The following HSP90B1 variants were observed in gnomAD, a reference collection of about 807,000 sequenced individuals.
HSP90B1 encodes endoplasmin.
In HSP90B1, 27 loss-of-function variants were observed where a neutral mutation model predicts 100.4. The observed-to-expected ratio is 0.27, with a 90% CI of 0.20 to 0.37. The LOEUF (loss-of-function observed/expected upper bound fraction) is 0.37. HSP90B1 is among the 10% of genes least tolerant of loss of function. The pLI is 1.00. For missense variants in HSP90B1, 678 were observed against 960.5 expected (o/e 0.71, Z 3.89); for synonymous variants, 304 against 330.8 (o/e 0.92, Z 0.88).
At chr12:103,937,090 G>C (rs1869942108) in intron 5 of HSP90B1, among the ~76,000 whole-genome samples, 1 of 152,184 alleles carries the variant, frequency 6.6e-6, no homozygotes, top group South Asian at 2.1e-4. Flanking sequence ...TATAATAGTA[G>C]AAATGTTCTA....
rs1320570659 is a variant in HSP90B1 at position 103,934,061 on chromosome 12, G to C, written c.517G>C (p.Glu173Gln). Residue 173 changes from glutamate to glutamine, a missense_variant, in exon 5 of 18, where the codon GAG (glutamate) becomes CAG (glutamine). Around this residue, in one of 8 missense-constraint regions of HSP90B1, gnomAD observed 238 missense variants for 346.7 expected, o/e 0.69. Coordinates refer to ENST00000299767, the MANE Select transcript of HSP90B1 (RefSeq NM_003299.3). ...TACCATAGCCAAATCTGGGACAAGC[G>C]AGTTTTTAAACAAAATGACTGAAGC... ...LGTIAKSGTS[E>Q]FLNKMTEAQE... is the part of the protein sequence containing the mutation. 6.2e-7 allele frequency: 1 copy of C among 1,614,186 alleles called. No individual in the cohort carries two copies.
chr12:103,944,508 A>T (rs1322975700), intron 14 of HSP90B1, among the ~76,000 whole-genome samples: 4 of 151,100 alleles, frequency 2.6e-5, no homozygotes, highest in Admixed American at 1.3e-4. Flanking sequence ...TATGTTTCTG[A>T]TATGCTATCT....
At chr12:103,932,991 AAGGT>A (rs767011898) in intron 4 of HSP90B1, 49 bp downstream of exon 4, 2 of 949,216 alleles carry the variant, frequency 2.1e-6, no homozygotes, top group Admixed American at 3.5e-5. Flanking sequence ...GGAATCCTTA[AAGGT>A]AGAGGATCCC....
intron 14 of HSP90B1, 144 bp from the exon 15 acceptor site, chr12:103,946,474 C>A: frequency 4.8e-6 from 3 of 624,890 alleles, no homozygotes; most frequent in South Asian, 4.0e-5. Context: ...TAAGTTCAAA[C>A]CTGTGGTGTT....
chr12:103,933,840 TCA>T, intron 4 of HSP90B1, 114 bp from the exon 5 acceptor site: 1 of 729,654 alleles, frequency 1.4e-6, no homozygotes, highest in East Asian at 2.7e-5. Context: ...GGAAAATATC[TCA>T]GTTTAGTTTT....
intron 5 of HSP90B1, among the ~76,000 whole-genome samples, chr12:103,937,434 C>T (rs1195408165): frequency 2.6e-5 from 4 of 152,274 alleles, no homozygotes; most frequent in African/African-American, 4.8e-5. Context: ...TCTATTCAGA[C>T]GGTTGGGAAT....
chr12:103,943,279 C>T lies in HSP90B1; in HGVS notation c.1850C>T (p.Pro617Leu). The T allele has an allele frequency of 6.2e-7, 1 of 1,613,876 alleles. No individual in the cohort carries two copies. The highest frequency in any genetic ancestry group is 8.5e-7 in the Non-Finnish European group (1 of 1,179,818). The change falls in exon 13 of 18, where the codon CCT (proline) becomes CTT (leucine). Residue 617 changes from proline to leucine, a missense_variant. By Grantham distance (98) the Pro-to-Leu change is moderately conservative (BLOSUM62 -3). This residue lies in a region of HSP90B1 where 170 missense variants were observed against 236.7 expected (regional missense o/e 0.72). Coordinates refer to ENST00000299767, the MANE Select transcript of HSP90B1 (RefSeq NM_003299.3). The surrounding 1 kb of genome is among the most constrained non-coding windows in gnomAD (Gnocchi z 5.3). ...SREAVEKEFE[P>L]LLNWMKDKAL... is the part of the protein sequence containing the mutation. ...GAAGCAGTTGAGAAAGAATTTGAGC[C>T]TCTGCTGAATTGGATGAAAGATAAA... is the stretch of plus-strand genomic sequence containing the variant.
intron 3 of HSP90B1, 131 bp downstream of exon 3, chr12:103,932,549 G>A (rs1291779025): frequency 1.2e-5 from 9 of 757,740 alleles, no homozygotes; most frequent in Non-Finnish European, 1.9e-5. Flanking sequence ...TACCTAATAT[G>A]TCCAAGAATT....
Position 103,947,412 on chromosome 12 carries a change from A to T in HSP90B1, c.2364A>T (p.Glu788Asp), listed in dbSNP as rs1223103257. The T allele has an allele frequency of 7.7e-7, 1 of 1,296,032 alleles. No individual in the cohort carries two copies. The highest frequency in any genetic ancestry group is 1.1e-6 in the Non-Finnish European group (1 of 947,976). The allele number at this position is 1,296,032 out of a possible 1,614,324, so 80.3% of individuals were successfully genotyped here. ...AAGAAATGGATGTGGGAACAGATGAAGAAGAAGAAACAGCAAAGGTATGGC... is the reference window on the plus strand; with the variant it reads ...AAGAAATGGATGTGGGAACAGATGATGAAGAAGAAACAGCAAAGGTATGGC... ...EDEEMDVGTDEEEETAKESTA... is the reference protein window; with the variant it reads ...EDEEMDVGTDDEEETAKESTA... Residue 788 changes from glutamate (E) to aspartate (D), a missense_variant, in exon 17 of 18, where the codon GAA (glutamate) becomes GAT (aspartate). Physicochemically the swap from Glu to Asp is conservative, Grantham distance 45. Transcript: ENST00000299767.
At position 103,943,322 on chromosome 12, in the gene HSP90B1, A is replaced by G; in HGVS notation, c.1890+3A>G. On this transcript the variant is annotated splice_donor_region_variant and intron_variant, in intron 13 of 17. Coordinates refer to ENST00000299767, the MANE Select transcript of HSP90B1 (RefSeq NM_003299.3). The surrounding 1 kb of genome is among the most constrained non-coding windows in gnomAD (Gnocchi z 5.3). The stretch of plus-strand genomic sequence containing the variant: ...AAGATAAAGCCCTTAAGGACAAGGT[A>G]CTGTGGAAATTACAAATTGTGGAAA... 6.2e-7 allele frequency: 1 copy of G among 1,612,394 alleles called. No homozygotes were observed. The highest frequency in any genetic ancestry group is 8.5e-7 in the Non-Finnish European group (1 of 1,179,184).
At position 103,932,807 on chromosome 12, in the gene HSP90B1, C is replaced by T. The variant is rs775048576; in HGVS notation, c.295-19C>T. On this transcript the variant is annotated intron_variant, in intron 3 of 17. Coordinates refer to ENST00000299767, the MANE Select transcript of HSP90B1 (RefSeq NM_003299.3). Reference sequence around the variant, plus strand: ...ATCTTGAGGATAGTCTAAGTGTATTCCCTCTGGCTTCCATTTAGATTTTCC... The same window carrying T: ...ATCTTGAGGATAGTCTAAGTGTATTTCCTCTGGCTTCCATTTAGATTTTCC... The T allele has an allele frequency of 8.2e-7, 1 of 1,220,414 alleles. No homozygotes were observed. The allele number at this position is 1,220,414 out of a possible 1,614,324, so 75.6% of individuals were successfully genotyped here.
At chr12:103,942,453 C>T (rs1870106598) in intron 11 of HSP90B1, 74 bp from the exon 12 acceptor site, 5 of 1,399,446 alleles carry the variant, frequency 3.6e-6, no homozygotes, top group Non-Finnish European at 5.0e-6. Flanking sequence ...TTTTCACACT[C>T]CTGCCTGGGT....
Position 103,931,553 on chromosome 12 carries a change from G to T in HSP90B1, c.82G>T (p.Asp28Tyr). 1.2e-6 allele frequency: 2 copies of T among 1,613,820 alleles called. No individual in the cohort carries two copies. Among genetic ancestry groups the T allele is most frequent in the Non-Finnish European group, 8.5e-7 (1 of 1,179,738 alleles). Residue 28 changes from aspartate (D) to tyrosine (Y), a missense_variant, in exon 2 of 18, where the codon GAT becomes TAT. Physicochemically the swap from Asp to Tyr is radical, Grantham distance 160. This residue lies in a region of HSP90B1 where 88 missense variants were observed against 88.2 expected (regional missense o/e 1.00). Transcript: ENST00000299767. Reference sequence around the variant, plus strand: ...CAGAGCTGACGATGAAGTTGATGTGGATGGTACAGTAGAAGAGGATCTGGG... The same window carrying T: ...CAGAGCTGACGATGAAGTTGATGTGTATGGTACAGTAGAAGAGGATCTGGG... Reference protein sequence around the residue: ...SVRADDEVDVDGTVEEDLGKS... With the variant: ...SVRADDEVDVYGTVEEDLGKS...
chr12:103,943,489 C>T lies in HSP90B1; in HGVS notation c.1890+170C>T. On this transcript the variant is annotated intron_variant, in intron 13 of 17. Transcript: ENST00000299767. This position sits in a 1 kb window ranked among gnomAD's most constrained non-coding sequence, Gnocchi z 5.3. ...AAGCTTAAAACTTTCGACAATACTG[C>T]TTTGTTAATAACTTGTTACAAATTA... 1 of 709,590 alleles carries T rather than the reference C, an allele frequency of 1.4e-6. No homozygotes were observed. Among genetic ancestry groups the T allele is most frequent in the Admixed American group, 3.1e-5 (1 of 32,046 alleles). The allele number at this position is 709,590 out of a possible 1,614,324, so 44.0% of individuals were successfully genotyped here.
At chr12:103,935,921 G>A (rs1042644529) in intron 5 of HSP90B1, among the ~76,000 whole-genome samples, 1 of 152,236 alleles carries the variant, frequency 6.6e-6, no homozygotes, top group Non-Finnish European at 1.5e-5. Flanking sequence ...GCAGCCATTT[G>A]TATGAATAAG....
chr12:103,937,846 G>A, intron 6 of HSP90B1, 40 bp downstream of exon 6: 1 of 1,019,806 alleles, frequency 9.8e-7, no homozygotes, highest in Non-Finnish European at 1.5e-6. Flanking sequence ...GTATTACCTT[G>A]GCACGTATTT....
rs576057501 is a variant in HSP90B1 at position 103,932,300 on chromosome 12, A to G, written c.176A>G (p.Asp59Gly). 8.7e-6 allele frequency: 14 copies of G among 1,611,902 alleles called. No homozygotes were observed. The South Asian group carries it at 1.5e-4, about 18-fold the overall frequency. Residue 59 changes from aspartate to glycine, a missense_variant, in exon 3 of 18, where the codon GAT becomes GGT. Physicochemically the swap from Asp to Gly is moderately conservative, Grantham distance 94 (BLOSUM62 -1). Around this residue, in one of 8 missense-constraint regions of HSP90B1, gnomAD observed 88 missense variants for 88.2 expected, o/e 1.00. Coordinates refer to ENST00000299767, the MANE Select transcript of HSP90B1 (RefSeq NM_003299.3). ...AGAGAGGAAGAAGCTATTCAGTTGG[A>G]TGGATTAAATGCATCACAAATAAGA... ...VQREEEAIQL[D>G]GLNASQIREL... is the part of the protein sequence containing the mutation.
chr12:103,930,483 C>A lies in HSP90B1; in HGVS notation c.-33C>A, dbSNP rs766506919. On this transcript the variant is annotated 5_prime_UTR_variant, in exon 1 of 18. Transcript: ENST00000299767. The surrounding 1 kb of genome is among the most constrained non-coding windows in gnomAD (Gnocchi z 4.4). Reference sequence around the variant, plus strand: ...GGGGGGTGGAGGCGGCTCCTGCGATCGAAGGGGACTTGAGACTCACCGGCC... The same window carrying A: ...GGGGGGTGGAGGCGGCTCCTGCGATAGAAGGGGACTTGAGACTCACCGGCC... The A allele has an allele frequency of 6.3e-7, 1 of 1,585,830 alleles. No homozygotes were observed. The highest frequency in any genetic ancestry group is 8.6e-7 in the Non-Finnish European group (1 of 1,165,502).
In HSP90B1 at chr12:103,943,347, A is replaced by AT; in HGVS notation, c.1890+29dup. On this transcript the variant is annotated intron_variant, in intron 13 of 17. Transcript: ENST00000299767. This position sits in a 1 kb window ranked among gnomAD's most constrained non-coding sequence, Gnocchi z 5.3. ...ACTGTGGAAATTACAAATTGTGGAA[A>AT]TATTAGTATCAGCATTTAAGAGAAA... 6.2e-7 allele frequency: 1 copy of AT among 1,604,156 alleles called. No individual in the cohort carries two copies. Among genetic ancestry groups the AT allele is most frequent in the Non-Finnish European group, 8.5e-7 (1 of 1,172,114 alleles).
Sources: gnomAD v4.1 joint callset for allele counts (sites outside exome capture counted in the v4.1 genomes callset) on GRCh38, gnomAD v4.1.1 for gene constraint, gnomAD v4.1.1 regional missense constraint, Gnocchi (gnomAD v3.1) non-coding constraint, MANE v1.5 for transcripts, NCBI Gene and HGNC (gene_info 2026-07-23, HGNC 2026-07-21) for gene names.